Variants in AKT3 observed in about 807,000 individuals in gnomAD.
The protein encoded by AKT3 is RAC-gamma serine/threonine-protein kinase.
A neutral mutation model predicts 65.3 loss-of-function variants in AKT3; 15 were observed. That is an observed-to-expected ratio of 0.23 (90% confidence interval 0.15 to 0.35). AKT3 has a LOEUF of 0.35. Ranked by LOEUF, AKT3 falls within the 10% of genes least tolerant of loss-of-function variation. AKT3 has a pLI of 1.00. For synonymous variants in AKT3, 206 were observed against 183.8 expected (o/e 1.12, Z -0.98); for missense variants, 243 against 576.5 (o/e 0.42, Z 5.92).
intron 8 of AKT3, among the ~76,000 whole-genome samples, chr1:243,603,942 C>G (rs541859726): frequency 7.0e-6 from 1 of 142,912 alleles, no homozygotes; most frequent in Admixed American, 7.3e-5. Context: ...GTTGCCCAGG[C>G]TGGAGCACAA....
At chr1:243,623,838 T>C (rs996971154) in intron 6 of AKT3, among the ~76,000 whole-genome samples, 3 of 152,338 alleles carry the variant, frequency 2.0e-5, no homozygotes, top group East Asian at 1.9e-4. Flanking sequence ...TTCTCTCTCA[T>C]ATATGTATAT....
At chr1:243,766,825 G>A (rs775403941) in intron 2 of AKT3, among the ~76,000 whole-genome samples, 10 of 152,132 alleles carry the variant, frequency 6.6e-5, no homozygotes, top group Non-Finnish European at 1.0e-4. Flanking sequence ...GAAGATAATA[G>A]CACGTGCACA....
intron 12 of AKT3, among the ~76,000 whole-genome samples, chr1:243,526,655 T>G (rs1279200441): frequency 6.6e-6 from 1 of 151,870 alleles, no homozygotes; most frequent in Non-Finnish European, 1.5e-5. Flanking sequence ...AAATATGTAC[T>G]CACTAAACTA....
At chr1:243,756,928 T>C (rs973183413) in intron 2 of AKT3, among the ~76,000 whole-genome samples, 1 of 152,204 alleles carries the variant, frequency 6.6e-6, no homozygotes, top group African/African-American at 2.4e-5. Context: ...TTTTGTGACA[T>C]TGCTGCCAAA....
At chr1:243,546,071 G>A (rs905069402) in intron 11 of AKT3, among the ~76,000 whole-genome samples, 7 of 152,084 alleles carry the variant, frequency 4.6e-5, no homozygotes, top group Non-Finnish European at 1.0e-4. Context: ...CTGAATCATG[G>A]GGGCAGGTTT....
intron 3 of AKT3, among the ~76,000 whole-genome samples, chr1:243,673,633 T>TA (rs1553430740): frequency 1.3e-5 from 2 of 150,396 alleles, no homozygotes; most frequent in East Asian, 1.9e-4. Context: ...TTTTTTTTTT[T>TA]AGACAGAGTC....
At chr1:243,507,310 TGA>T (rs1669734665) in intron 13 of AKT3, among the ~76,000 whole-genome samples, 1 of 152,214 alleles carries the variant, frequency 6.6e-6, no homozygotes, top group Non-Finnish European at 1.5e-5. Context: ...AGCTAAGAAT[TGA>T]GAGACAGCCT....
intron 13 of AKT3, among the ~76,000 whole-genome samples, chr1:243,510,239 C>A (rs551379306): frequency 2.9e-4 from 44 of 152,268 alleles, no homozygotes; most frequent in African/African-American, 1.1e-3. Flanking sequence ...TCTGAAGTTC[C>A]TAGGCCCTCA....
At chr1:243,703,944 C>T (rs530915723) in intron 2 of AKT3, among the ~76,000 whole-genome samples, 2 of 152,144 alleles carry the variant, frequency 1.3e-5, no homozygotes, top group South Asian at 4.2e-4. Flanking sequence ...TTTCCAACTC[C>T]TAAAAACCTG....
At position 243,502,353 on chromosome 1, in the gene AKT3, T is replaced by C; in HGVS notation, c.*2896A>G. The C allele has an allele frequency of 4.3e-6, 1 of 233,018 alleles. No homozygotes were observed. The highest frequency in any genetic ancestry group is 8.5e-6 in the Non-Finnish European group (1 of 117,894). 14.4% of individuals were successfully genotyped at this position (233,018 alleles called of 1,614,324 possible). A position where few individuals can be genotyped will look rare whatever the true frequency, so the allele number is the denominator to read the frequency against. On this transcript the variant is annotated 3_prime_UTR_variant, in exon 14 of 14. Coordinates refer to ENST00000673466, the MANE Select transcript of AKT3 (RefSeq NM_005465.7). ...ATCAGGGATGGGAAATGGAAAACAATACTTGAATAATGCTATGTAATTAGT... is the reference window on the plus strand; with the variant it reads ...ATCAGGGATGGGAAATGGAAAACAACACTTGAATAATGCTATGTAATTAGT...
intron 2 of AKT3, among the ~76,000 whole-genome samples, chr1:243,775,776 A>C (rs146471224): frequency 6.6e-6 from 1 of 152,232 alleles, no homozygotes; most frequent in African/African-American, 2.4e-5. Flanking sequence ...TTAATACAGA[A>C]CTTTACAAAA....
intron 2 of AKT3, among the ~76,000 whole-genome samples, chr1:243,810,796 A>G (rs886780002): frequency 2.0e-5 from 3 of 152,196 alleles, no homozygotes; most frequent in Admixed American, 1.3e-4. Context: ...CTGGCAAACC[A>G]AATCCAGCAG....
At chr1:243,608,973 C>T (rs527855592) in intron 8 of AKT3, among the ~76,000 whole-genome samples, 8 of 151,692 alleles carry the variant, frequency 5.3e-5, no homozygotes, top group East Asian at 3.9e-4. Flanking sequence ...AGGCTGGTCT[C>T]GAACTCCTGA....
At chr1:243,637,236 T>C (rs1363977122) in intron 6 of AKT3, among the ~76,000 whole-genome samples, 2 of 152,076 alleles carry the variant, frequency 1.3e-5, no homozygotes, top group African/African-American at 4.8e-5. Context: ...TTATATAAGC[T>C]TTAGAATTTA....
Position 243,620,911 on chromosome 1 carries a change from T to C in AKT3, c.562-5750A>G, listed in dbSNP as rs1678699545. Among the ~76,000 whole-genome samples, 5 of 152,218 alleles carry C rather than the reference T, an allele frequency of 3.3e-5. No individual in the cohort carries two copies. The South Asian group carries it at 6.2e-4, about 19-fold the overall frequency. ...TCTTCTGCCTCTCTCATACGCGGTATTGGGACAAGTTCATCTCTACCCTCT... is the reference window on the plus strand; with the variant it reads ...TCTTCTGCCTCTCTCATACGCGGTACTGGGACAAGTTCATCTCTACCCTCT... On this transcript the variant is annotated intron_variant, in intron 6 of 13. Transcript: ENST00000673466.
intron 2 of AKT3, among the ~76,000 whole-genome samples, chr1:243,791,202 G>C (rs1691607796): frequency 6.6e-6 from 1 of 151,928 alleles, no homozygotes; most frequent in Non-Finnish European, 1.5e-5. Flanking sequence ...ATACAATGTA[G>C]ATACTATATA....
chr1:243,531,084 T>C (rs185729570), intron 12 of AKT3, among the ~76,000 whole-genome samples: 6 of 152,262 alleles, frequency 3.9e-5, no homozygotes, highest in African/African-American at 1.2e-4. Context: ...TCTATCTATC[T>C]ATCCATCCCT....
chr1:243,515,589 C>G (rs980834091), intron 12 of AKT3, among the ~76,000 whole-genome samples: 6 of 152,148 alleles, frequency 3.9e-5, no homozygotes, highest in African/African-American at 1.4e-4. Context: ...ACAGACCACA[C>G]TGGTAGTGAT....
chr1:243,536,135 GAAGTA>G (rs1213700971), intron 12 of AKT3, among the ~76,000 whole-genome samples: 2 of 152,082 alleles, frequency 1.3e-5, no homozygotes, highest in African/African-American at 2.4e-5. Context: ...CCCTTTTTCA[GAAGTA>G]AAGTTTGCAA....
Sources: gnomAD v4.1 joint callset for allele counts (sites outside exome capture counted in the v4.1 genomes callset) on GRCh38, gnomAD v4.1.1 for gene constraint, MANE v1.5 for transcripts, NCBI Gene and HGNC (gene_info 2026-07-23, HGNC 2026-07-21) for gene names.